Variants in PRPS2 observed in about 807,000 individuals in gnomAD.
PRPS2 encodes the protein ribose-phosphate pyrophosphokinase 2.
For synonymous variants in PRPS2, 111 were observed against 115.3 expected (o/e 0.96, Z 0.24); for missense variants, 104 against 271.5 (o/e 0.38, Z 4.34).
chrX:12,810,862 A>AAAG (rs1327296493), intron 4 of PRPS2, among the ~76,000 whole-genome samples: 86 of 109,994 alleles, frequency 7.8e-4, no homozygotes, highest in African/African-American at 2.5e-3. Context: ...AAAAAAAAAA[A>AAAG]AAGAAGAAGA....
At position 12,809,341 on chromosome X, in the gene PRPS2, G is replaced by C. The variant is rs767199636; in HGVS notation, c.405+9G>C. The stretch of plus-strand genomic sequence containing the variant: ...ATGCTTCTCAGATACAGGTATCCGT[G>C]TTTTCCTTCTGCAAATGGTTAAATC... On this transcript the variant is annotated intron_variant, in intron 3 of 6. Transcript: ENST00000380668. 7.5e-6 allele frequency: 9 copies of C among 1,192,534 alleles called. No individual in the cohort carries two copies. The African/African-American group carries it at 1.2e-4, about 16-fold the overall frequency.
At chrX:12,804,291 G>C (rs898384198) in intron 2 of PRPS2, among the ~76,000 whole-genome samples, 8 of 108,675 alleles carry the variant, frequency 7.4e-5, no homozygotes, top group African/African-American at 2.7e-4. Context: ...ATAGGTTTGC[G>C]CCACCACACC....
chrX:12,818,167 G>A lies in PRPS2; in HGVS notation c.531-1340G>A, dbSNP rs180791439. Among the ~76,000 whole-genome samples, 656 of 109,673 alleles carry A rather than the reference G, an allele frequency of 6.0e-3. 5 individuals carry two copies. The highest frequency in any genetic ancestry group is 9.5e-3 in the Non-Finnish European group (501 of 52,565). On this transcript the variant is annotated intron_variant, in intron 4 of 6. Coordinates refer to ENST00000380668, the MANE Select transcript of PRPS2 (RefSeq NM_002765.5). ...GCGGATCACCTGAGGTCAGGAGTTC[G>A]AGACCAGCCTGGCCAACATGGAGAA...
intron 1 of PRPS2, among the ~76,000 whole-genome samples, chrX:12,792,358 G>C (rs1235407845): frequency 1.8e-5 from 2 of 112,222 alleles, no homozygotes; most frequent in Non-Finnish European, 3.8e-5. Context: ...CACTACTCTT[G>C]CTGCTTTAAA....
At chrX:12,815,746 C>T (rs371308952) in intron 4 of PRPS2, among the ~76,000 whole-genome samples, 3 of 111,340 alleles carry the variant, frequency 2.7e-5, no homozygotes, top group East Asian at 2.8e-4. Flanking sequence ...CGGGATCAAG[C>T]GATTCTCCCG....
At chrX:12,808,288 C>CTGTGTGTGTGTGTGTGTGTGTGTG (rs60881280) in intron 2 of PRPS2, among the ~76,000 whole-genome samples, 21 of 102,425 alleles carry the variant, frequency 2.1e-4, no homozygotes, top group South Asian at 1.9e-3. Flanking sequence ...CATGAATATA[C>CTGTGTGTGTGTGTGTGTGTGTGTG]TGTGTGTGTG....
At chrX:12,812,865 T>C (rs1449481065) in intron 4 of PRPS2, among the ~76,000 whole-genome samples, 1 of 111,599 alleles carries the variant, frequency 9.0e-6, no homozygotes, top group Non-Finnish European at 1.9e-5. Flanking sequence ...TGGGGTTATC[T>C]TTTGGAGACT....
rs912034587 is a variant in PRPS2, at chrX:12,823,282, TTTATAA to T, written c.*494_*499del. 2 of 107,243 alleles carry T rather than the reference TTTATAA, an allele frequency of 1.9e-5. No homozygotes were observed. Among genetic ancestry groups the T allele is most frequent in the Non-Finnish European group, 1.9e-5 (1 of 52,163 alleles). The allele number at this position is 107,243 out of a possible 1,213,427, so 8.8% of individuals were successfully genotyped here. On this transcript the variant is annotated 3_prime_UTR_variant, in exon 7 of 7. Transcript: ENST00000380668. ...TTACTTTGGAGTGAACCTTGGAAAATTTATAATTATAATACCATGGATTTTGAATTT... is the reference window on the plus strand; with the variant it reads ...TTACTTTGGAGTGAACCTTGGAAAATTTATAATACCATGGATTTTGAATTT...
chrX:12,811,007 C>A (rs143440859), intron 4 of PRPS2, among the ~76,000 whole-genome samples: 1,911 of 111,689 alleles, frequency 0.017, 40 homozygotes, highest in African/African-American at 0.06. Context: ...GTGCCACATT[C>A]AGATGTGGAG....
chrX:12,791,714 G>A, intron 1 of PRPS2, 95 bp downstream of exon 1: 1 of 785,761 alleles, frequency 1.3e-6, no homozygotes, highest in Non-Finnish European at 1.5e-6. Context: ...CCACCTCCGC[G>A]GACGCCGCGC....
At chrX:12,812,136 A>G (rs1471546344) in intron 4 of PRPS2, among the ~76,000 whole-genome samples, 3 of 111,866 alleles carry the variant, frequency 2.7e-5, no homozygotes, top group Admixed American at 1.9e-4. Flanking sequence ...TGTGAGCAAC[A>G]TTTTGGAGTC....
intron 3 of PRPS2, among the ~76,000 whole-genome samples, chrX:12,809,757 A>G (rs1453975403): frequency 1.8e-5 from 2 of 112,492 alleles, no homozygotes; most frequent in African/African-American, 3.2e-5. Flanking sequence ...ACCGTCCTGC[A>G]TAGCCATTCT....
intron 1 of PRPS2, among the ~76,000 whole-genome samples, chrX:12,798,475 G>T (rs955121960): frequency 1.8e-5 from 2 of 109,077 alleles, no homozygotes; most frequent in African/African-American, 6.6e-5. Context: ...ATAGTAGCTA[G>T]ACTTGAAGGA....
chrX:12,791,557 C>T lies in PRPS2; in HGVS notation c.60C>T (p.Ala20=). The change falls in exon 1 of 7, where the codon GCC becomes GCT. Residue 20 remains alanine (A), a synonymous_variant. Transcript: ENST00000380668. ...SSHQDLSQRV[A]DRLGLELGKV... ...ATCAGGACCTGTCCCAGCGCGTGGC[C>T]GACCGCCTGGGCCTGGAGCTGGGCA... The T allele has an allele frequency of 1.7e-6, 2 of 1,202,049 alleles. No individual in the cohort carries two copies. Among genetic ancestry groups the T allele is most frequent in the Non-Finnish European group, 2.2e-6 (2 of 891,141 alleles).
intron 4 of PRPS2, among the ~76,000 whole-genome samples, chrX:12,819,085 C>T (rs765971798): frequency 8.9e-6 from 1 of 112,497 alleles, no homozygotes; most frequent in South Asian, 3.7e-4. Context: ...GAAGCCCATC[C>T]TGACTAGCCT....
At chrX:12,794,629 T>C (rs2042535031) in intron 1 of PRPS2, among the ~76,000 whole-genome samples, 1 of 112,217 alleles carries the variant, frequency 8.9e-6, no homozygotes, top group South Asian at 3.7e-4. Context: ...AAAGATCCTC[T>C]GGCAGAATGG....
chrX:12,792,583 C>T (rs1267514825), intron 1 of PRPS2, among the ~76,000 whole-genome samples: 3 of 111,947 alleles, frequency 2.7e-5, no homozygotes, highest in African/African-American at 9.8e-5. Flanking sequence ...TTTCCCCCTT[C>T]TTCCTCCAAT....
chrX:12,802,325 G>GTGTTT (rs764841614), intron 2 of PRPS2, among the ~76,000 whole-genome samples: 3,967 of 110,081 alleles, frequency 0.036, 128 homozygotes, highest in African/African-American at 0.084. Context: ...GCTATAACTT[G>GTGTTT]TGTTTTGTTT....
intron 4 of PRPS2, among the ~76,000 whole-genome samples, chrX:12,812,336 C>T (rs1223139613): frequency 4.5e-5 from 5 of 112,041 alleles, no homozygotes; most frequent in Admixed American, 1.9e-4. Flanking sequence ...AATTCAAATA[C>T]GTACAATTGG....
Sources: allele counts gnomAD v4.1 joint callset (sites outside exome capture counted in the v4.1 genomes callset), GRCh38; gene constraint gnomAD v4.1.1; transcripts MANE v1.5; gene names NCBI Gene and HGNC (gene_info 2026-07-23, HGNC 2026-07-21).